Variants in CNGA1 observed in about 807,000 individuals in gnomAD.
CNGA1 encodes cyclic nucleotide gated channel subunit alpha 1, also known as cyclic nucleotide-gated channel alpha-1.
Under a neutral mutation model 69.7 loss-of-function variants are expected in CNGA1, and 53 were observed. The ratio of observed to expected loss-of-function variants is 0.76; its 90% CI spans 0.61 to 0.96. The LOEUF is 0.96. Among genes scored for constraint, CNGA1 ranks in the 40% least tolerant of loss-of-function variants. CNGA1 has a pLI of 0.00. For synonymous variants in CNGA1, 249 were observed against 283.5 expected, an observed-to-expected ratio of 0.88 and a Z score of 1.22; for missense variants, 739 against 811.2, an observed-to-expected ratio of 0.91 and a Z score of 1.08.
Position 48,002,302 on chromosome 4 carries a change from A to G in CNGA1, c.-123+8492T>C, listed in dbSNP as rs1045465001. ...GAAAACCTCCTAACTAGACTGATTG[A>G]GAAAAAGATTACCAAGTATAAGCTA... On this transcript the variant is annotated intron_variant, in intron 2 of 10. Coordinates refer to ENST00000514170, the MANE Select transcript of CNGA1 (RefSeq NM_001379270.1). Among the ~76,000 whole-genome samples the G allele has an allele frequency of 2.0e-5, 3 of 152,322 alleles. No individual in the cohort carries two copies. The East Asian group carries it at 5.8e-4, about 29-fold the overall frequency.
chr4:47,981,920 T>C (rs892337132), intron 2 of CNGA1, among the ~76,000 whole-genome samples: 2 of 152,230 alleles, frequency 1.3e-5, no homozygotes, highest in African/African-American at 4.8e-5. Context: ...TTAAAAGTTA[T>C]TTAAAATATT....
At chr4:48,007,135 G>T (rs187277390) in intron 2 of CNGA1, among the ~76,000 whole-genome samples, 13 of 151,820 alleles carry the variant, frequency 8.6e-5, no homozygotes, top group Admixed American at 7.9e-4. Flanking sequence ...AAAACAGCAT[G>T]AAGCCAAATA....
chr4:47,979,634 A>G (rs1741596342), intron 3 of CNGA1, among the ~76,000 whole-genome samples: 1 of 152,222 alleles, frequency 6.6e-6, no homozygotes, highest in South Asian at 2.1e-4. Flanking sequence ...ATAAATTAAT[A>G]AGTAAAAAAT....
At position 47,981,377 on chromosome 4, in the gene CNGA1, A is replaced by G. The variant is rs1741704618; in HGVS notation, c.-15+16T>C. 6.6e-6 allele frequency: 1 copy of G among 152,244 alleles called. No individual in the cohort carries two copies. Among genetic ancestry groups the G allele is most frequent in the African/African-American group, 2.4e-5 (1 of 41,466 alleles). 9.4% of individuals were successfully genotyped at this position (152,244 alleles called of 1,614,324 possible). ...GAAAAATATAACTCTAATTATCGTT[A>G]TCACTGGGTTCTTACCTTTGGTTGT... On this transcript the variant is annotated intron_variant, in intron 3 of 10. Coordinates refer to ENST00000514170, the MANE Select transcript of CNGA1 (RefSeq NM_001379270.1).
rs6848406 is a variant in CNGA1, at chr4:48,016,279, G to T, written c.-223+204C>A. Among the ~76,000 whole-genome samples, 1,223 of 152,294 alleles carry T rather than the reference G, an allele frequency of 8.0e-3. 18 individuals carry two copies. Among genetic ancestry groups the T allele is most frequent in the African/African-American group, 0.027 (1,127 of 41,550 alleles). On this transcript the variant is annotated intron_variant, in intron 1 of 10. Coordinates refer to ENST00000514170, the MANE Select transcript of CNGA1 (RefSeq NM_001379270.1). ...GCTGATAACAGCACAGAAGGGCAAA[G>T]TCTGCTCAGCAGCCCCCAAAATAAA...
chr4:47,962,907 A>G (rs1192123707), intron 3 of CNGA1, among the ~76,000 whole-genome samples: 2 of 152,172 alleles, frequency 1.3e-5, no homozygotes, highest in African/African-American at 4.8e-5. Flanking sequence ...AAACAACACT[A>G]ATTTAGTGTC....
intron 2 of CNGA1, among the ~76,000 whole-genome samples, chr4:47,990,716 G>A (rs1011340902): frequency 5.9e-5 from 9 of 152,098 alleles, no homozygotes; most frequent in Admixed American, 2.6e-4. Flanking sequence ...TGGCACTCCC[G>A]GAGGCCCAGC....
intron 3 of CNGA1, among the ~76,000 whole-genome samples, chr4:47,960,581 C>T (rs770582680): frequency 5.3e-5 from 8 of 152,060 alleles, no homozygotes; most frequent in Non-Finnish European, 1.0e-4. Flanking sequence ...TATCAAAACA[C>T]ATATGATGAA....
At chr4:47,999,673 C>T (rs1237452710) in intron 2 of CNGA1, among the ~76,000 whole-genome samples, 1 of 152,196 alleles carries the variant, frequency 6.6e-6, no homozygotes, top group South Asian at 2.1e-4. Context: ...GAGTTTGAAA[C>T]CAGCCTGGCC....
chr4:47,952,582 C>T lies in CNGA1; in HGVS notation c.107+1G>A, dbSNP rs1314598960. ...ATGCATGGGAAAATGTTTGGATTTA[C>T]CTGCATGCTCCATTTTCCATCCTTC... On this transcript the variant is annotated splice_donor_variant, in intron 4 of 10. Transcript: ENST00000514170. LOFTEE classifies it high-confidence loss of function. The T allele has an allele frequency of 1.9e-6, 3 of 1,612,132 alleles. No individual in the cohort carries two copies. In the East Asian group the frequency reaches 6.7e-5, roughly 36 times the overall value.
intron 3 of CNGA1, among the ~76,000 whole-genome samples, chr4:47,968,484 C>T (rs1182108610): frequency 6.6e-6 from 1 of 151,872 alleles, no homozygotes; most frequent in Non-Finnish European, 1.5e-5. Flanking sequence ...CGGCTAACAT[C>T]AGGTGGTTCA....
At chr4:48,010,180 AG>A (rs1379785097) in intron 2 of CNGA1, among the ~76,000 whole-genome samples, 2 of 152,188 alleles carry the variant, frequency 1.3e-5, no homozygotes, top group African/African-American at 4.8e-5. Context: ...GTACTGCTAG[AG>A]GGAGATTGAT....
intron 6 of CNGA1, among the ~76,000 whole-genome samples, chr4:47,949,099 G>T (rs556363251): frequency 3.0e-4 from 45 of 152,356 alleles, no homozygotes; most frequent in African/African-American, 1.0e-3. Context: ...GCAGCACACG[G>T]TTGGGCCATA....
rs2110203554 is a variant in CNGA1, at chr4:47,974,230, T to C, written c.-15+7163A>G. On this transcript the variant is annotated intron_variant, in intron 3 of 10. Transcript: ENST00000514170. Reference sequence around the variant, plus strand: ...ACATTTTATTTTAAAACTGTGTGTGTGTACATAGAACTAATAAGCACTTTA... The same window carrying C: ...ACATTTTATTTTAAAACTGTGTGTGCGTACATAGAACTAATAAGCACTTTA... Among the ~76,000 whole-genome samples the C allele has an allele frequency of 1.3e-5, 2 of 152,308 alleles. 1 individual carries two copies. The highest frequency in any genetic ancestry group is 4.1e-4 in the South Asian group (2 of 4,830).
At chr4:47,983,386 T>C (rs1283411549) in intron 2 of CNGA1, among the ~76,000 whole-genome samples, 3 of 151,904 alleles carry the variant, frequency 2.0e-5, no homozygotes, top group African/African-American at 7.2e-5. Context: ...GTCAGGAGTT[T>C]GAGACCAGCC....
At chr4:47,941,999 G>T in intron 9 of CNGA1, 42 bp downstream of exon 9, 1 of 1,199,810 alleles carries the variant, frequency 8.3e-7, no homozygotes. Flanking sequence ...AACTAGAAAT[G>T]GGGTGAGATC....
chr4:47,956,135 G>T (rs1740072889), intron 3 of CNGA1, among the ~76,000 whole-genome samples: 2 of 152,190 alleles, frequency 1.3e-5, no homozygotes, highest in South Asian at 4.1e-4. Flanking sequence ...CGGCACTTAG[G>T]TTTAGTCAAT....
intron 2 of CNGA1, among the ~76,000 whole-genome samples, chr4:47,986,800 A>G (rs1741995660): frequency 6.6e-6 from 1 of 152,184 alleles, no homozygotes; most frequent in Non-Finnish European, 1.5e-5. Context: ...TAAAGGGCTG[A>G]GAGATTACAT....
At chr4:47,971,198 G>GTGT in intron 3 of CNGA1, 2 of 373,316 alleles carry the variant, frequency 5.4e-6, no homozygotes, top group Non-Finnish European at 1.1e-5. Context: ...GTGTGTGTGT[G>GTGT]CTGTGCGTAA....
Sources: allele counts gnomAD v4.1 joint callset (sites outside exome capture counted in the v4.1 genomes callset), GRCh38; gene constraint gnomAD v4.1.1; transcripts MANE v1.5; gene names NCBI Gene and HGNC (gene_info 2026-07-23, HGNC 2026-07-21).